The following ASIC2 variants were observed in gnomAD, a reference collection of about 807,000 sequenced individuals.
ASIC2 encodes acid sensing ion channel subunit 2.
Under a neutral mutation model 57.3 loss-of-function variants are expected in ASIC2, and 25 were observed. The observed-to-expected ratio is 0.44, with a 90% CI of 0.32 to 0.61. The LOEUF (loss-of-function observed/expected upper bound fraction) is 0.61, where lower values mean the gene tolerates loss of function less well. ASIC2 is among the 20% of genes least tolerant of loss of function. The probability of loss-of-function intolerance (pLI) is 0.06; values close to 1 mark genes in which losing one functional copy is unlikely to be tolerated. For missense variants in ASIC2, 641 were observed against 738.1 expected (o/e 0.87, Z 1.52); for synonymous variants, 319 against 307.5 (o/e 1.04, Z -0.39).
chr17:33,429,206 C>T (rs1362311770), intron 1 of ASIC2, among the ~76,000 whole-genome samples: 2 of 152,000 alleles, frequency 1.3e-5, no homozygotes, highest in African/African-American at 2.4e-5. Flanking sequence ...GCACTTGTAA[C>T]ATGGTAGGTG....
intron 1 of ASIC2, among the ~76,000 whole-genome samples, chr17:33,610,880 G>A (rs946353373): frequency 3.9e-5 from 6 of 152,116 alleles, no homozygotes; most frequent in African/African-American, 1.4e-4. Flanking sequence ...GAGCAACAGA[G>A]CAAGACCCTG....
chr17:33,518,939 G>A (rs1437861148), intron 1 of ASIC2, among the ~76,000 whole-genome samples: 2 of 151,876 alleles, frequency 1.3e-5, no homozygotes, highest in Admixed American at 6.6e-5. Context: ...TCCTGCCTCA[G>A]CCTCCCGAGT....
chr17:34,041,926 T>C (rs1337501361), intron 1 of ASIC2, among the ~76,000 whole-genome samples: 1 of 152,236 alleles, frequency 6.6e-6, no homozygotes, highest in Non-Finnish European at 1.5e-5. Flanking sequence ...GGAATTATTC[T>C]GCTAGGCATA....
intron 1 of ASIC2, among the ~76,000 whole-genome samples, chr17:33,580,497 C>T (rs931239841): frequency 6.6e-6 from 1 of 152,176 alleles, no homozygotes; most frequent in African/African-American, 2.4e-5. Context: ...CCAGGGCCCA[C>T]ACTAGGCAAA....
chr17:33,356,577 C>T (rs921033942), intron 1 of ASIC2, among the ~76,000 whole-genome samples: 1 of 152,028 alleles, frequency 6.6e-6, no homozygotes, highest in Non-Finnish European at 1.5e-5. Context: ...CTGGATGGAG[C>T]AGGAAGGGGA....
chr17:33,446,254 G>T (rs983973388), intron 1 of ASIC2, among the ~76,000 whole-genome samples: 2 of 152,046 alleles, frequency 1.3e-5, no homozygotes, highest in African/African-American at 2.4e-5. Context: ...TCTGAATTTT[G>T]ATCTTATGAA....
At chr17:33,587,546 TTG>T (rs1229569682) in intron 1 of ASIC2, among the ~76,000 whole-genome samples, 3 of 152,234 alleles carry the variant, frequency 2.0e-5, no homozygotes, top group Admixed American at 6.5e-5. Flanking sequence ...TGCCCAGTGA[TTG>T]ACAAGAAGGT....
chr17:33,603,272 G>A (rs529568553), intron 1 of ASIC2, among the ~76,000 whole-genome samples: 20 of 152,342 alleles, frequency 1.3e-4, no homozygotes, highest in African/African-American at 4.6e-4. Context: ...TGGGCTGCTT[G>A]TATGGGTTTC....
In ASIC2 at chr17:34,036,989, G is replaced by A. The variant is rs367645254; in HGVS notation, c.555+118989C>T. The A allele has an allele frequency of 8.5e-5, 13 of 152,602 alleles. 1 individual carries two copies. Among genetic ancestry groups the A allele is most frequent in the African/African-American group, 2.6e-4 (11 of 41,522 alleles). 9.5% of individuals were successfully genotyped at this position (152,602 alleles called of 1,614,324 possible). Reference sequence around the variant, plus strand: ...AACATTGCCACGTACTTGCTAATACGGGTTTCACTTTATGACCAAATGTAT... The same window carrying A: ...AACATTGCCACGTACTTGCTAATACAGGTTTCACTTTATGACCAAATGTAT... On this transcript the variant is annotated intron_variant, in intron 1 of 9. Coordinates refer to the ASIC2 transcript ENST00000359872.
intron 1 of ASIC2, among the ~76,000 whole-genome samples, chr17:33,255,933 TA>T (rs1233772225): frequency 6.6e-6 from 1 of 152,192 alleles, no homozygotes; most frequent in Non-Finnish European, 1.5e-5. Flanking sequence ...ACCCTCTACC[TA>T]AGTCACCTCT....
intron 1 of ASIC2, among the ~76,000 whole-genome samples, chr17:33,282,631 G>A (rs1314198716): frequency 6.6e-6 from 1 of 151,998 alleles, no homozygotes; most frequent in East Asian, 1.9e-4. Flanking sequence ...CCTGCCATCA[G>A]ACCCGACTAA....
chr17:34,120,499 T>C (rs970628272), intron 1 of ASIC2, among the ~76,000 whole-genome samples: 3 of 151,902 alleles, frequency 2.0e-5, no homozygotes, highest in African/African-American at 7.3e-5. Flanking sequence ...GGTGAATGTA[T>C]TTTGCACATC....
chr17:33,123,323 A>G (rs1047451385), intron 1 of ASIC2, among the ~76,000 whole-genome samples: 1 of 152,236 alleles, frequency 6.6e-6, no homozygotes, highest in African/African-American at 2.4e-5. Flanking sequence ...AAAAGAAGGC[A>G]GTTCTGTCAT....
At chr17:33,749,163 C>T (rs969766294) in intron 1 of ASIC2, among the ~76,000 whole-genome samples, 2 of 152,130 alleles carry the variant, frequency 1.3e-5, no homozygotes, top group Admixed American at 1.3e-4. Context: ...TCCTCTGGAG[C>T]TCTGGCAGGA....
chr17:34,093,438 G>A (rs779700620), intron 1 of ASIC2, among the ~76,000 whole-genome samples: 3 of 152,170 alleles, frequency 2.0e-5, no homozygotes, highest in Non-Finnish European at 2.9e-5. Flanking sequence ...AGTGACCCAC[G>A]TCAAGCCCCA....
intron 1 of ASIC2, among the ~76,000 whole-genome samples, chr17:33,388,684 A>G (rs1909783359): frequency 6.6e-6 from 1 of 152,230 alleles, no homozygotes; most frequent in African/African-American, 2.4e-5. Flanking sequence ...AGTTCACCAC[A>G]TGGCATAGAC....
At chr17:33,637,821 G>C (rs1289234934) in intron 1 of ASIC2, among the ~76,000 whole-genome samples, 2 of 152,188 alleles carry the variant, frequency 1.3e-5, no homozygotes, top group South Asian at 2.1e-4. Context: ...TTGAAAGGAG[G>C]TCAGCCAGGT....
In ASIC2 at chr17:33,651,943, A is replaced by G. The variant is rs1477077537; in HGVS notation, c.555+504035T>C. ...CTTGGAGGTAGATGGGGATGAAGCC[A>G]ACACATCATCCCGCTGTGGTGTGGC... On this transcript the variant is annotated intron_variant, in intron 1 of 9. Coordinates refer to the ASIC2 transcript ENST00000359872. 1.3e-5 allele frequency among the ~76,000 whole-genome samples: 2 copies of G among 152,208 alleles called. 1 individual carries two copies. Among genetic ancestry groups the G allele is most frequent in the Non-Finnish European group, 2.9e-5 (2 of 68,038 alleles).
intron 1 of ASIC2, among the ~76,000 whole-genome samples, chr17:33,271,410 C>T (rs1295478033): frequency 6.6e-6 from 1 of 152,178 alleles, no homozygotes; most frequent in East Asian, 1.9e-4. Flanking sequence ...TGTCCAACTA[C>T]TTACTAGGAT....
Sources: gnomAD v4.1 joint callset for allele counts (sites outside exome capture counted in the v4.1 genomes callset) on GRCh38, gnomAD v4.1.1 for gene constraint, MANE v1.5 for transcripts, NCBI Gene and HGNC (gene_info 2026-07-23, HGNC 2026-07-21) for gene names.